XRCC1: variants seen among roughly 807,000 people sequenced by gnomAD.
XRCC1 encodes the protein X-ray repair cross complementing 1.
XRCC1 carries 52 observed loss-of-function variants against 83.3 expected under a neutral mutation model. The ratio of observed to expected loss-of-function variants is 0.62; its 90% confidence interval spans 0.50 to 0.79. The LOEUF (loss-of-function observed/expected upper bound fraction) is 0.79, where lower values mean the gene tolerates loss of function less well. XRCC1 is among the 30% of genes least tolerant of loss of function. The probability of loss-of-function intolerance (pLI) is 0.00; values close to 1 mark genes in which losing one functional copy is unlikely to be tolerated. For missense variants in XRCC1, 793 were observed against 823.5 expected, an observed-to-expected ratio of 0.96 and a Z score of 0.45; for synonymous variants, 281 against 312.6, an observed-to-expected ratio of 0.90 and a Z score of 1.07.
chr19:43,554,866 A>G, intron 3 of XRCC1, 62 bp from the exon 4 acceptor site: 1 of 1,558,228 alleles, frequency 6.4e-7, no homozygotes, highest in Non-Finnish European at 8.7e-7. Flanking sequence ...GAGAGCTTCT[A>G]GGGGCTGGGG....
intron 12 of XRCC1, 52 bp from the exon 13 acceptor site, chr19:43,546,158 T>C: frequency 6.2e-7 from 1 of 1,600,698 alleles, no homozygotes; most frequent in Non-Finnish European, 8.6e-7. Flanking sequence ...CTGGGAAGAC[T>C]GGCAGCTCTC....
At chr19:43,558,366 C>T (rs982980291) in intron 3 of XRCC1, among the ~76,000 whole-genome samples, 3 of 151,360 alleles carry the variant, frequency 2.0e-5, no homozygotes, top group African/African-American at 7.3e-5. Context: ...GTACACACAG[C>T]AGCTCACATG....
chr19:43,544,245 G>A lies in XRCC1; in HGVS notation c.1622-11C>T, dbSNP rs939584659. 3 of 1,602,106 alleles carry A rather than the reference G, an allele frequency of 1.9e-6. No homozygotes were observed. The African/African-American group carries it at 4.0e-5, about 21-fold the overall frequency. ...TGCCCTGGAAGAAATCTGCAGGAGAGAAGGGGGCTAAGGTAAGCATGAGGC... is the reference window on the plus strand; with the variant it reads ...TGCCCTGGAAGAAATCTGCAGGAGAAAAGGGGGCTAAGGTAAGCATGAGGC... On this transcript the variant is annotated splice_polypyrimidine_tract_variant and intron_variant, in intron 14 of 16. Coordinates refer to ENST00000262887, the MANE Select transcript of XRCC1 (RefSeq NM_006297.3).
chr19:43,553,379 G>A (rs2146052151), intron 6 of XRCC1, 22 bp downstream of exon 6: 1 of 1,611,312 alleles, frequency 6.2e-7, no homozygotes, highest in Non-Finnish European at 8.5e-7. Flanking sequence ...ACTCACTCAG[G>A]ACCCACGTTG....
intron 11 of XRCC1, 70 bp from the exon 12 acceptor site, chr19:43,546,797 AGGCAAGAGT>A (rs1360587138): frequency 1.3e-6 from 2 of 1,595,292 alleles, no homozygotes; most frequent in Admixed American, 3.4e-5. Context: ...TACCTGCAAG[AGGCAAGAGT>A]GGGAAGTTTG....
chr19:43,552,060 C>G lies in XRCC1; in HGVS notation c.1039G>C (p.Ala347Pro), dbSNP rs757431447. 4 of 1,614,106 alleles carry G rather than the reference C, an allele frequency of 2.5e-6. No homozygotes were observed. Among genetic ancestry groups the G allele is most frequent in the Non-Finnish European group, 3.4e-6 (4 of 1,179,990 alleles). Residue 347 changes from alanine to proline, a missense_variant, in exon 9 of 17, where the codon GCC (alanine) becomes CCC (proline). By Grantham distance (27) the Ala-to-Pro change is conservative (BLOSUM62 -1). Coordinates refer to ENST00000262887, the MANE Select transcript of XRCC1 (RefSeq NM_006297.3). ...ELRDKALELG[A>P]KYRPDWTRDS... ...CGGGTCCAGTCTGGCCGATACTTGG[C>G]CCCAAGCTCTAGGGCCTTATCTCGC...
At chr19:43,565,892 C>G (rs928340313) in intron 2 of XRCC1, among the ~76,000 whole-genome samples, 2 of 151,770 alleles carry the variant, frequency 1.3e-5, no homozygotes, top group African/African-American at 2.4e-5. Flanking sequence ...TGAGTTGAGA[C>G]GAGCCACTAC....
chr19:43,563,308 G>A (rs1568517007), intron 2 of XRCC1, among the ~76,000 whole-genome samples: 1 of 152,178 alleles, frequency 6.6e-6, no homozygotes, highest in African/African-American at 2.4e-5. Context: ...CCAACATGGT[G>A]AAACCCTGTC....
Position 43,551,617 on chromosome 19 carries a change from A to C in XRCC1, c.1153T>G (p.Trp385Gly), listed in dbSNP as rs774384642. 6.5e-5 allele frequency: 105 copies of C among 1,613,726 alleles called. No individual in the cohort carries two copies. The highest frequency in any genetic ancestry group is 8.9e-5 in the Non-Finnish European group (105 of 1,179,960). The stretch of plus-strand genomic sequence containing the variant: ...CGCATGCGGTGACAGTCCAGCACCC[A>C]CTCCTTACGCACGATGCGGCCTCCC... Reference protein sequence around the residue: ...GLGGRIVRKEWVLDCHRMRRR... With the variant: ...GLGGRIVRKEGVLDCHRMRRR... Residue 385 changes from tryptophan to glycine, a missense_variant, in exon 10 of 17, where the codon TGG (tryptophan) becomes GGG (glycine). Trp to Gly is a radical substitution (Grantham distance 184). Transcript: ENST00000262887.
rs2146049154 is a variant in XRCC1 at position 43,551,658 on chromosome 19, C to G, written c.1112G>C (p.Ser371Thr). ...ICAFANTPKYSQVLGLGGRIV... is the reference protein window; with the variant it reads ...ICAFANTPKYTQVLGLGGRIV... ...GCGGCCTCCCAGGCCTAGGACCTGG[C>G]TGTACTTGGGGGTGTTGGCAAAGGC... is the stretch of plus-strand genomic sequence containing the variant. The change falls in exon 10 of 17, where the codon AGC (serine) becomes ACC (threonine). Residue 371 changes from serine to threonine, a missense_variant. Physicochemically the swap from Ser to Thr is moderately conservative, Grantham distance 58. Coordinates refer to ENST00000262887, the MANE Select transcript of XRCC1 (RefSeq NM_006297.3). 6.2e-7 allele frequency: 1 copy of G among 1,614,126 alleles called. No homozygotes were observed. The highest frequency in any genetic ancestry group is 8.5e-7 in the Non-Finnish European group (1 of 1,180,018).
intron 2 of XRCC1, chr19:43,574,550 T>G: frequency 4.9e-6 from 1 of 203,982 alleles, no homozygotes; most frequent in Non-Finnish European, 1.0e-5. Flanking sequence ...TTCTTTAAAG[T>G]GGAGTTGATT....
intron 2 of XRCC1, among the ~76,000 whole-genome samples, chr19:43,572,216 C>T (rs1298270871): frequency 6.6e-6 from 1 of 152,188 alleles, no homozygotes; most frequent in Non-Finnish European, 1.5e-5. Context: ...TGTGATTTCC[C>T]TGGAGTCACT....
chr19:43,556,713 G>A (rs1972639810), intron 3 of XRCC1, among the ~76,000 whole-genome samples: 2 of 151,924 alleles, frequency 1.3e-5, no homozygotes, highest in Non-Finnish European at 1.5e-5. Context: ...GCTGAGGCAC[G>A]AGAATTGCTT....
At position 43,560,935 on chromosome 19, in the gene XRCC1, C is replaced by T. The variant is rs761753132; in HGVS notation, c.230G>A (p.Gly77Glu). ...FVEVLVGSSA[G>E]GAGEQDYEVL... is the part of the protein sequence containing the mutation. Reference sequence around the variant, plus strand: ...CTCATAGTCTTGCTCCCCAGCGCCTCCAGCTGAACTGCCCACCAGCACCTC... The same window carrying T: ...CTCATAGTCTTGCTCCCCAGCGCCTTCAGCTGAACTGCCCACCAGCACCTC... The change falls in exon 3 of 17, where the codon GGA becomes GAA. Residue 77 changes from glycine to glutamate, a missense_variant. By Grantham distance (98) the Gly-to-Glu change is moderately conservative. Transcript: ENST00000262887. 1.1e-5 allele frequency: 18 copies of T among 1,614,054 alleles called. No homozygotes were observed. Among genetic ancestry groups the T allele is most frequent in the Non-Finnish European group, 1.4e-5 (17 of 1,180,028 alleles).
intron 3 of XRCC1, among the ~76,000 whole-genome samples, chr19:43,556,020 C>A (rs1201205094): frequency 1.3e-5 from 2 of 152,114 alleles, no homozygotes; most frequent in Non-Finnish European, 2.9e-5. Context: ...CTCTGAGTAG[C>A]TGGGTCTAGA....
At chr19:43,548,713 A>G (rs1366637759) in intron 10 of XRCC1, among the ~76,000 whole-genome samples, 3 of 136,714 alleles carry the variant, frequency 2.2e-5, no homozygotes, top group Non-Finnish European at 4.6e-5. Flanking sequence ...TCCCTTCACT[A>G]TTGTCCTATG....
chr19:43,558,366 C>A (rs982980291), intron 3 of XRCC1, among the ~76,000 whole-genome samples: 1 of 151,360 alleles, frequency 6.6e-6, no homozygotes, highest in Admixed American at 6.6e-5. Context: ...GTACACACAG[C>A]AGCTCACATG....
intron 6 of XRCC1, 105 bp downstream of exon 6, chr19:43,553,296 T>G: frequency 7.4e-7 from 1 of 1,350,372 alleles, no homozygotes; most frequent in East Asian, 2.4e-5. Context: ...TCCACTACCC[T>G]CCTCCCTCAG....
In XRCC1 at chr19:43,553,381, C is replaced by A. The variant is rs2146052156; in HGVS notation, c.601+20G>T. The A allele has an allele frequency of 6.2e-7, 1 of 1,612,932 alleles. No homozygotes were observed. Among genetic ancestry groups the A allele is most frequent in the Non-Finnish European group, 8.5e-7 (1 of 1,179,060 alleles). ...AGGTCTCAACCCTACTCACTCAGGA[C>A]CCACGTTGTCCGAGCTCACCTGGGG... On this transcript the variant is annotated intron_variant, in intron 6 of 16. Transcript: ENST00000262887.
Sources: allele counts gnomAD v4.1 joint callset (sites outside exome capture counted in the v4.1 genomes callset), GRCh38; gene constraint gnomAD v4.1.1; transcripts MANE v1.5; gene names NCBI Gene and HGNC (gene_info 2026-07-23, HGNC 2026-07-21).